Variants in RIMS1 observed in about 807,000 individuals in gnomAD.
The protein encoded by RIMS1 is regulating synaptic membrane exocytosis 1.
In RIMS1, 83 loss-of-function variants were observed where a neutral mutation model predicts 214.1. The observed-to-expected ratio is 0.39, with a 90% CI of 0.32 to 0.47. RIMS1 has a LOEUF of 0.47. Ranked by LOEUF, RIMS1 falls within the 20% of genes least tolerant of loss-of-function variation. RIMS1 has a pLI of 0.99. For synonymous variants in RIMS1, 793 were observed against 786.8 expected, an observed-to-expected ratio of 1.01 and a Z score of -0.13; for missense variants, 2,050 against 2,161.8, an observed-to-expected ratio of 0.95 and a Z score of 1.03.
In RIMS1 at chr6:72,182,992, G is replaced by A. The variant is rs1245972773; in HGVS notation, c.1521G>A (p.Glu507=). The A allele has an allele frequency of 6.3e-7, 1 of 1,594,080 alleles. No individual in the cohort carries two copies. Among genetic ancestry groups the A allele is most frequent in the Admixed American group, 1.8e-5 (1 of 56,822 alleles). The change falls in exon 6 of 34, where the codon GAG becomes GAA. Residue 507 remains glutamate (E), a synonymous_variant. Transcript: ENST00000521978. The stretch of plus-strand genomic sequence containing the variant: ...ACTCTTTGAGCTCAGACCAGTCCGA[G>A]TCGGTGCGGCCGTCCCCGCCCAAGC... The part of the protein sequence containing the change: ...RNDSLSSDQS[E]SVRPSPPKPH...
intron 2 of RIMS1, among the ~76,000 whole-genome samples, chr6:71,972,020 G>A (rs1397298005): frequency 6.6e-6 from 1 of 152,022 alleles, no homozygotes; most frequent in East Asian, 1.9e-4. Flanking sequence ...AGTTAACTGG[G>A]GAAATAGATG....
intron 6 of RIMS1, among the ~76,000 whole-genome samples, chr6:72,218,948 G>C (rs1211864177): frequency 6.6e-6 from 1 of 152,152 alleles, no homozygotes; most frequent in Non-Finnish European, 1.5e-5. Flanking sequence ...CTGTTTATTA[G>C]TGCATAGTTA....
chr6:72,329,500 T>C (rs2096587788), intron 28 of RIMS1, among the ~76,000 whole-genome samples: 1 of 151,608 alleles, frequency 6.6e-6, no homozygotes, highest in African/African-American at 2.4e-5. Flanking sequence ...AGTTATCCAC[T>C]CTAGAGCCAG....
intron 4 of RIMS1, among the ~76,000 whole-genome samples, chr6:72,107,926 T>A (rs1486529449): frequency 6.6e-6 from 1 of 152,194 alleles, no homozygotes; most frequent in African/African-American, 2.4e-5. Context: ...CCTGTGATGT[T>A]TATATCAGAG....
chr6:72,283,969 T>A, intron 23 of RIMS1, 78 bp from the exon 24 acceptor site: 1 of 1,164,564 alleles, frequency 8.6e-7, no homozygotes, highest in Admixed American at 1.7e-5. Context: ...ATTTTTCATG[T>A]CTATTGTGTT....
At chr6:72,393,689 T>C (rs1415151974) in intron 31 of RIMS1, among the ~76,000 whole-genome samples, 3 of 151,576 alleles carry the variant, frequency 2.0e-5, no homozygotes, top group Admixed American at 6.6e-5. Context: ...ATCAGGGCAC[T>C]GCACTCCAGC....
chr6:72,244,672 T>C (rs1477563858), intron 10 of RIMS1, among the ~76,000 whole-genome samples: 1 of 151,772 alleles, frequency 6.6e-6, no homozygotes, highest in African/African-American at 2.4e-5. Context: ...TATAAATGTA[T>C]AGTCATACAA....
At chr6:71,943,507 C>T (rs1305761983) in intron 1 of RIMS1, among the ~76,000 whole-genome samples, 2 of 152,116 alleles carry the variant, frequency 1.3e-5, no homozygotes, top group African/African-American at 4.8e-5. Flanking sequence ...ACAAACTTTC[C>T]TCTTTAATTT....
intron 4 of RIMS1, among the ~76,000 whole-genome samples, chr6:72,102,566 A>G (rs2033848296): frequency 6.6e-6 from 1 of 152,038 alleles, no homozygotes; most frequent in Non-Finnish European, 1.5e-5. Context: ...AATAAATGAT[A>G]TGTTAGTAAA....
intron 29 of RIMS1, among the ~76,000 whole-genome samples, chr6:72,349,277 A>T (rs1375852999): frequency 7.2e-5 from 11 of 152,058 alleles, no homozygotes; most frequent in African/African-American, 2.7e-4. Flanking sequence ...TCAGTGCCAT[A>T]GGATGTTTTT....
chr6:72,276,802 C>T (rs1474033707), intron 23 of RIMS1, among the ~76,000 whole-genome samples: 4 of 152,172 alleles, frequency 2.6e-5, no homozygotes, highest in Non-Finnish European at 5.9e-5. Context: ...ATGTCAACCA[C>T]TTGGCAAATC....
At chr6:71,968,374 C>CT (rs528192877) in intron 1 of RIMS1, among the ~76,000 whole-genome samples, 254 of 152,240 alleles carry the variant, frequency 1.7e-3, no homozygotes, top group Non-Finnish European at 3.0e-3. Context: ...CATTTAATTA[C>CT]TTTTTTTCAC....
intron 4 of RIMS1, among the ~76,000 whole-genome samples, chr6:72,138,314 C>T (rs2041632638): frequency 6.6e-6 from 1 of 152,088 alleles, no homozygotes. Context: ...GGTAACGTTA[C>T]AGAGTAATGC....
intron 26 of RIMS1, among the ~76,000 whole-genome samples, chr6:72,294,236 TTAGA>T (rs1178325644): frequency 5.9e-5 from 9 of 151,716 alleles, no homozygotes; most frequent in African/African-American, 2.4e-5. Context: ...GATTTATGAG[TTAGA>T]TAGGATTTAG....
At chr6:72,107,135 T>A (rs903044010) in intron 4 of RIMS1, among the ~76,000 whole-genome samples, 2 of 152,198 alleles carry the variant, frequency 1.3e-5, no homozygotes, top group Admixed American at 6.6e-5. Context: ...TTACACTTCA[T>A]CATTATCACA....
At chr6:71,999,379 A>G (rs937957330) in intron 2 of RIMS1, among the ~76,000 whole-genome samples, 1 of 152,174 alleles carries the variant, frequency 6.6e-6, no homozygotes, top group Non-Finnish European at 1.5e-5. Flanking sequence ...ATCAATACAC[A>G]TAACATACAT....
At chr6:72,367,830 T>G (rs2098086436) in intron 29 of RIMS1, among the ~76,000 whole-genome samples, 1 of 152,238 alleles carries the variant, frequency 6.6e-6, no homozygotes, top group African/African-American at 2.4e-5. Context: ...AGAATACTTT[T>G]GCAAATGAAG....
chr6:72,121,469 A>G (rs562707570), intron 4 of RIMS1, among the ~76,000 whole-genome samples: 23 of 151,986 alleles, frequency 1.5e-4, no homozygotes, highest in Non-Finnish European at 3.1e-4. Context: ...TTGTTGGTGT[A>G]TAGGAATGCT....
At chr6:72,349,940 C>T (rs1472845681) in intron 29 of RIMS1, among the ~76,000 whole-genome samples, 1 of 152,024 alleles carries the variant, frequency 6.6e-6, no homozygotes, top group Non-Finnish European at 1.5e-5. Flanking sequence ...AGAAAACATA[C>T]TAATTGTCAT....
Sources: gnomAD v4.1 joint callset for allele counts (sites outside exome capture counted in the v4.1 genomes callset) on GRCh38, gnomAD v4.1.1 for gene constraint, MANE v1.5 for transcripts, NCBI Gene and HGNC (gene_info 2026-07-23, HGNC 2026-07-21) for gene names.